MIER3: variants seen among roughly 807,000 people sequenced by gnomAD.
MIER3 encodes the protein MIER family member 3, also known as mesoderm induction early response protein 3.
Under a neutral mutation model 63.2 loss-of-function variants are expected in MIER3, and 9 were observed. The observed-to-expected ratio is 0.14, with a 90% confidence interval of 0.09 to 0.25. The LOEUF (loss-of-function observed/expected upper bound fraction) is 0.25, where lower values mean the gene tolerates loss of function less well. MIER3 is among the 10% of genes least tolerant of loss of function. The probability of loss-of-function intolerance (pLI) is 1.00; values close to 1 mark genes in which losing one functional copy is unlikely to be tolerated. For synonymous variants in MIER3, 205 were observed against 224.9 expected (o/e 0.91, Z 0.79); for missense variants, 512 against 666.2 (o/e 0.77, Z 2.55).
rs1476369302 is a variant in MIER3 at position 56,938,683 on chromosome 5, A to G, written c.315+200T>C. 4 of 583,220 alleles carry G rather than the reference A, an allele frequency of 6.9e-6. No homozygotes were observed. The Admixed American group carries it at 1.2e-4, about 18-fold the overall frequency. 36.1% of individuals were successfully genotyped at this position (583,220 alleles called of 1,614,324 possible). ...TTATGGGAGAATATTCAGGCATGCA[A>G]AGTACCATGAAGCTGCTATTAATAC... On this transcript the variant is annotated intron_variant, in intron 4 of 12. Transcript: ENST00000381199.
At chr5:56,949,857 A>ATCT (rs1750957174) in intron 2 of MIER3, among the ~76,000 whole-genome samples, 1 of 152,218 alleles carries the variant, frequency 6.6e-6, no homozygotes, top group Non-Finnish European at 1.5e-5. Flanking sequence ...GGTAAGCTAG[A>ATCT]AAGGAAATGA....
intron 9 of MIER3, among the ~76,000 whole-genome samples, chr5:56,930,126 T>G (rs189110607): frequency 2.0e-5 from 3 of 152,294 alleles, no homozygotes; most frequent in Non-Finnish European, 4.4e-5. Flanking sequence ...TAATGAAAGC[T>G]ATGGTGCATG....
At position 56,923,597 on chromosome 5, in the gene MIER3, TG is replaced by T; in HGVS notation, c.1196-13del. ...ACTGTTGGTCAAAGCTAAAAAGGAATGGAAAATTGTTTAAGTAAGTGGTCCT... is the reference window on the plus strand; with the variant it reads ...ACTGTTGGTCAAAGCTAAAAAGGAATGAAAATTGTTTAAGTAAGTGGTCCT... On this transcript the variant is annotated splice_polypyrimidine_tract_variant and intron_variant, in intron 12 of 12. Coordinates refer to ENST00000381199, the MANE Select transcript of MIER3 (RefSeq NM_001297599.2). 1 of 1,611,432 alleles carries T rather than the reference TG, an allele frequency of 6.2e-7. No homozygotes were observed.
chr5:56,923,973 A>T lies in MIER3; in HGVS notation c.994T>A (p.Tyr332Asn), dbSNP rs1749825304. Residue 332 changes from tyrosine (Y) to asparagine (N), a missense_variant, in exon 11 of 13, where the codon TAC (tyrosine) becomes AAC (asparagine). Tyr to Asn is a moderately radical substitution (Grantham distance 143). Coordinates refer to ENST00000381199, the MANE Select transcript of MIER3 (RefSeq NM_001297599.2). ...CCAAATCTTGTCTGTTGAGCAAAGT[A>T]ATCATAACGTTCAGATTTCTTCCAC... ...YMWKKSERYD[Y>N]FAQQTRFGKK... 3 of 1,613,986 alleles carry T rather than the reference A, an allele frequency of 1.9e-6. No homozygotes were observed. Among genetic ancestry groups the T allele is most frequent in the African/African-American group, 2.7e-5 (2 of 74,934 alleles).
At chr5:56,942,120 C>T (rs539695190) in intron 3 of MIER3, among the ~76,000 whole-genome samples, 1 of 152,246 alleles carries the variant, frequency 6.6e-6, no homozygotes, top group South Asian at 2.1e-4. Flanking sequence ...GAGCCTGGAG[C>T]TCAGAGAACC....
chr5:56,939,615 T>G (rs115771413), intron 3 of MIER3, among the ~76,000 whole-genome samples: 1,633 of 152,320 alleles, frequency 0.011, 34 homozygotes, highest in African/African-American at 0.036. Context: ...AAACTGTGGC[T>G]TAATTCTGGG....
At chr5:56,936,044 G>A (rs568482478) in intron 5 of MIER3, among the ~76,000 whole-genome samples, 422 of 152,060 alleles carry the variant, frequency 2.8e-3, no homozygotes, top group South Asian at 7.3e-3. Flanking sequence ...CTGGCCGACA[G>A]GCTCTACTAA....
rs564243829 is a variant in MIER3 at position 56,932,782 on chromosome 5, G to T, written c.747+465C>A. 2.0e-5 allele frequency among the ~76,000 whole-genome samples: 3 copies of T among 152,214 alleles called. No individual in the cohort carries two copies. In the East Asian group the frequency reaches 5.8e-4, roughly 29 times the overall value. On this transcript the variant is annotated intron_variant, in intron 8 of 12. Coordinates refer to ENST00000381199, the MANE Select transcript of MIER3 (RefSeq NM_001297599.2). ...TTTTAATCACTTCCTAAATAAAGTT[G>T]AGAATAATTCAAAGAATACACTTAT... is the stretch of plus-strand genomic sequence containing the variant.
At chr5:56,942,742 T>C (rs964636733) in intron 3 of MIER3, among the ~76,000 whole-genome samples, 1 of 152,192 alleles carries the variant, frequency 6.6e-6, no homozygotes, top group African/African-American at 2.4e-5. Flanking sequence ...ATTACTTAAA[T>C]TAAGGCAGAA....
At chr5:56,931,436 T>C (rs976553888) in intron 8 of MIER3, among the ~76,000 whole-genome samples, 1 of 152,142 alleles carries the variant, frequency 6.6e-6, no homozygotes, top group Admixed American at 6.6e-5. Flanking sequence ...TCTGAGCTAA[T>C]TACCCTGATC....
In MIER3 at chr5:56,923,568, C is replaced by T; in HGVS notation, c.1213G>A (p.Ala405Thr). The T allele has an allele frequency of 6.2e-7, 1 of 1,613,278 alleles. No homozygotes were observed. Among genetic ancestry groups the T allele is most frequent in the Non-Finnish European group, 8.5e-7 (1 of 1,179,362 alleles). ...ACATCTGTGGGGTCGCAGACGGTTG[C>T]TACACTGTTGGTCAAAGCTAAAAAG... ...SDLTALTNSV[A>T]TVCDPTDVNC... is the part of the protein sequence containing the mutation. The change falls in exon 13 of 13, where the codon GCA becomes ACA. Residue 405 changes from alanine (A) to threonine (T), a missense_variant. Physicochemically the swap from Ala to Thr is moderately conservative, Grantham distance 58. Around this residue, in one of 5 missense-constraint regions of MIER3, gnomAD observed 218 missense variants for 251.2 expected, o/e 0.87. Transcript: ENST00000381199.
chr5:56,920,940 AATTT>A lies in MIER3; in HGVS notation c.*2184_*2187del, dbSNP rs201344528. On this transcript the variant is annotated 3_prime_UTR_variant, in exon 13 of 13. Transcript: ENST00000381199. ...TTTAAAAATCTATTAAACTAGCTGG[AATTT>A]ATTTTTCTCTCATACCATTTTCTGG... The A allele has an allele frequency of 3.5e-3, 537 of 152,684 alleles. 7 individuals are homozygous for A. The highest frequency in any genetic ancestry group is 0.012 in the African/African-American group (502 of 41,568). The allele number at this position is 152,684 out of a possible 1,614,324, so 9.5% of individuals were successfully genotyped here.
intron 5 of MIER3, 101 bp downstream of exon 5, chr5:56,937,477 A>C (rs1750488112): frequency 4.2e-6 from 5 of 1,188,180 alleles, no homozygotes. Flanking sequence ...CAACCACATA[A>C]AATATTAGAA....
At chr5:56,938,726 G>T in intron 4 of MIER3, 157 bp downstream of exon 4, 1 of 839,500 alleles carries the variant, frequency 1.2e-6, no homozygotes, top group Non-Finnish European at 1.8e-6. Flanking sequence ...AACATAGGGT[G>T]ATCAAAGCCA....
rs1402711387 is a variant in MIER3 at position 56,921,226 on chromosome 5, A to G, written c.*1902T>C. ...TAAACCCAGAGTGAAAATTAAGGTT[A>G]TAACAATGGAAGATTATGGCCAGTA... On this transcript the variant is annotated 3_prime_UTR_variant, in exon 13 of 13. Transcript: ENST00000381199. 1 of 152,586 alleles carries G rather than the reference A, an allele frequency of 6.6e-6. No homozygotes were observed. The highest frequency in any genetic ancestry group is 1.5e-5 in the Non-Finnish European group (1 of 67,974). The allele number at this position is 152,586 out of a possible 1,614,324, so 9.5% of individuals were successfully genotyped here.
At chr5:56,943,130 G>A (rs1339922861) in intron 3 of MIER3, among the ~76,000 whole-genome samples, 2 of 152,106 alleles carry the variant, frequency 1.3e-5, no homozygotes, top group Non-Finnish European at 2.9e-5. Context: ...GGGTGACAGA[G>A]TGAGACCATC....
chr5:56,943,348 G>A (rs1750716936), intron 3 of MIER3, among the ~76,000 whole-genome samples: 1 of 145,506 alleles, frequency 6.9e-6, no homozygotes, highest in Non-Finnish European at 1.5e-5. Context: ...AAAAAAAAAA[G>A]GTAGAAGAAT....
chr5:56,941,080 G>A (rs1356722296), intron 3 of MIER3: 2 of 985,364 alleles, frequency 2.0e-6, no homozygotes, highest in South Asian at 4.7e-5. Context: ...ACTTGCTACT[G>A]GACATACAAA....
In MIER3 at chr5:56,922,994, T is replaced by C; in HGVS notation, c.*134A>G. Reference sequence around the variant, plus strand: ...AAAATACTCTTGATAAATCAAGATATAGTTCTATACATACTGACATCACTG... The same window carrying C: ...AAAATACTCTTGATAAATCAAGATACAGTTCTATACATACTGACATCACTG... On this transcript the variant is annotated 3_prime_UTR_variant, in exon 13 of 13. Transcript: ENST00000381199. The C allele has an allele frequency of 1.5e-6, 1 of 662,710 alleles. No homozygotes were observed. Among genetic ancestry groups the C allele is most frequent in the Non-Finnish European group, 2.6e-6 (1 of 391,850 alleles). 41.1% of individuals were successfully genotyped at this position (662,710 alleles called of 1,614,324 possible).
Sources: gnomAD v4.1 joint callset for allele counts (sites outside exome capture counted in the v4.1 genomes callset) on GRCh38, gnomAD v4.1.1 for gene constraint, gnomAD v4.1.1 regional missense constraint, MANE v1.5 for transcripts, NCBI Gene and HGNC (gene_info 2026-07-23, HGNC 2026-07-21) for gene names.